Variants in RYR2 observed in about 807,000 individuals in gnomAD.
The protein encoded by RYR2 is cardiac muscle ryanodine receptor-calcium release channel.
Under a neutral mutation model 601.1 loss-of-function variants are expected in RYR2, and 227 were observed. The observed-to-expected ratio is 0.38, with a 90% CI of 0.34 to 0.42. RYR2 has a LOEUF of 0.42. RYR2 is among the 10% of genes least tolerant of loss of function. The pLI is 1.00. For synonymous variants in RYR2, 2,223 were observed against 2,175.1 expected (o/e 1.02, Z -0.61); for missense variants, 4,646 against 6,156.5 (o/e 0.75, Z 8.21).
chr1:237,082,677 T>C (rs753593538), intron 1 of RYR2, among the ~76,000 whole-genome samples: 31 of 151,544 alleles, frequency 2.0e-4, no homozygotes, highest in Non-Finnish European at 3.8e-4. Context: ...AGCAGATGTG[T>C]GTGGGCTGAG....
chr1:237,653,577 G>C (rs959520497), intron 51 of RYR2, among the ~76,000 whole-genome samples: 1 of 152,150 alleles, frequency 6.6e-6, no homozygotes, highest in East Asian at 1.9e-4. Context: ...TCTTAGCCGG[G>C]GTTCTCTAGA....
intron 1 of RYR2, among the ~76,000 whole-genome samples, chr1:237,243,575 T>C (rs1572335877): frequency 1.3e-5 from 2 of 152,172 alleles, no homozygotes; most frequent in East Asian, 3.9e-4. Context: ...ACCAGGACTC[T>C]TGGGTTTTTA....
At chr1:237,050,457 C>CA in intron 1 of RYR2, among the ~76,000 whole-genome samples, 1 of 152,184 alleles carries the variant, frequency 6.6e-6, no homozygotes, top group Admixed American at 6.5e-5. Flanking sequence ...CACAGGCCCA[C>CA]ACATCTCATC....
At chr1:237,118,958 G>A (rs1670453922) in intron 1 of RYR2, among the ~76,000 whole-genome samples, 1 of 151,838 alleles carries the variant, frequency 6.6e-6, no homozygotes, top group Non-Finnish European at 1.5e-5. Context: ...ATGAATTTTA[G>A]AATGAAACCA....
At chr1:237,172,673 A>T (rs965632888) in intron 1 of RYR2, among the ~76,000 whole-genome samples, 1 of 152,116 alleles carries the variant, frequency 6.6e-6, no homozygotes, top group African/African-American at 2.4e-5. Flanking sequence ...TTCTGGCAAA[A>T]CCGGAGTTTT....
Position 237,726,292 on chromosome 1 carries a change from G to A in RYR2, c.10709G>A (p.Arg3570Gln), listed in dbSNP as rs751520590. The A allele has an allele frequency of 1.8e-5, 28 of 1,589,056 alleles. No homozygotes were observed. In the South Asian group the frequency reaches 1.8e-4, roughly 10 times the overall value. ...HLEQKSKRVGRRHYCLVEHPQ... is the reference protein window; with the variant it reads ...HLEQKSKRVGQRHYCLVEHPQ... Reference sequence around the variant, plus strand: ...TTTCAGAAGTCTAAACGTGTGGGTCGGAGACATTACTGTCTGGGAAGTACA... The same window carrying A: ...TTTCAGAAGTCTAAACGTGTGGGTCAGAGACATTACTGTCTGGGAAGTACA... The change falls in exon 75 of 105, where the codon CGG becomes CAG. Residue 3570 changes from arginine to glutamine, a missense_variant. Around this residue, in one of 17 missense-constraint regions of RYR2, gnomAD observed 1,497 missense variants for 1,842.6 expected, o/e 0.81. Transcript: ENST00000366574.
intron 1 of RYR2, among the ~76,000 whole-genome samples, chr1:237,248,137 T>A (rs1461663931): frequency 6.6e-6 from 1 of 151,790 alleles, no homozygotes; most frequent in Non-Finnish European, 1.5e-5. Flanking sequence ...CCGGGTGTGG[T>A]GGTGCACTCC....
intron 24 of RYR2, among the ~76,000 whole-genome samples, chr1:237,527,900 T>C (rs1409035330): frequency 6.6e-6 from 1 of 152,202 alleles, no homozygotes; most frequent in Non-Finnish European, 1.5e-5. Context: ...TTGAGCAGTG[T>C]GATGAAATCT....
intron 10 of RYR2, among the ~76,000 whole-genome samples, chr1:237,412,863 A>T (rs1244319925): frequency 6.6e-6 from 1 of 152,126 alleles, no homozygotes; most frequent in Non-Finnish European, 1.5e-5. Context: ...TATTTGTATG[A>T]GTTCAAAGTT....
chr1:237,784,508 A>C lies in RYR2; in HGVS notation c.12796A>C (p.Lys4266Gln). 6.2e-7 allele frequency: 1 copy of C among 1,613,724 alleles called. No homozygotes were observed. Residue 4266 changes from lysine (K) to glutamine (Q), a missense_variant, in exon 90 of 105, where the codon AAG becomes CAG. Transcript: ENST00000366574. The surrounding 1 kb of genome is among the most constrained non-coding windows in gnomAD (Gnocchi z 7.1). Reference protein sequence around the residue: ...MRMLSLKSLKKQMKKVKKMTV... With the variant: ...MRMLSLKSLKQQMKKVKKMTV... ...AATGCTCAGTCTGAAGAGCCTGAAG[A>C]AGCAGATGAAAAAAGTAAAAAAGAT...
At chr1:237,539,828 TA>T (rs1669061105) in intron 25 of RYR2, among the ~76,000 whole-genome samples, 1 of 152,198 alleles carries the variant, frequency 6.6e-6, no homozygotes, top group Non-Finnish European at 1.5e-5. Context: ...CCTGCACATT[TA>T]CCCCAGAACT....
At chr1:237,148,522 A>T (rs1287270719) in intron 1 of RYR2, among the ~76,000 whole-genome samples, 2,638 of 67,956 alleles carry the variant, frequency 0.039, 91 homozygotes, top group African/African-American at 0.13. Flanking sequence ...AAGTAAAAAA[A>T]AAAAAATATA....
At chr1:237,711,712 G>A in intron 70 of RYR2, 33 bp from the exon 71 acceptor site, 1 of 1,165,508 alleles carries the variant, frequency 8.6e-7, no homozygotes, top group Non-Finnish European at 1.3e-6. Context: ...TCTTTAAGTG[G>A]TTTTAACTGA....
Position 237,231,862 on chromosome 1 carries a change from C to A in RYR2, c.49-38635C>A, listed in dbSNP as rs567501523. ...TTCAAAGGAGGCAGCATGGATATCTCTTCTTTGCCATGAATGAAGGTGGTG... is the reference window on the plus strand; with the variant it reads ...TTCAAAGGAGGCAGCATGGATATCTATTCTTTGCCATGAATGAAGGTGGTG... On this transcript the variant is annotated intron_variant, in intron 1 of 104. Coordinates refer to ENST00000366574, the MANE Select transcript of RYR2 (RefSeq NM_001035.3). Among the ~76,000 whole-genome samples the A allele has an allele frequency of 9.9e-4, 151 of 152,268 alleles. 1 individual carries two copies. The highest frequency in any genetic ancestry group is 3.4e-3 in the African/African-American group (141 of 41,566).
intron 82 of RYR2, among the ~76,000 whole-genome samples, chr1:237,758,772 T>C (rs1693167191): frequency 6.6e-6 from 1 of 152,192 alleles, no homozygotes; most frequent in African/African-American, 2.4e-5. Flanking sequence ...TGAGCATGCT[T>C]TCTATCATCT....
At chr1:237,797,944 T>TAAGTA in intron 96 of RYR2, 93 bp from the exon 97 acceptor site, 1 of 1,151,214 alleles carries the variant, frequency 8.7e-7, no homozygotes, top group Non-Finnish European at 1.2e-6. Context: ...AAATATACAG[T>TAAGTA]AAGTATAAAA....
In RYR2 at chr1:237,184,877, GT is replaced by G. The variant is rs397974914; in HGVS notation, c.49-85608del. ...GTTATCTTAGTTCTTTGTGAAGAGG[GT>G]TTTTTTTTTTTGGACAGGGTCTTGC... On this transcript the variant is annotated intron_variant, in intron 1 of 104. Transcript: ENST00000366574. Among the ~76,000 whole-genome samples the G allele has an allele frequency of 2.4e-3, 338 of 142,470 alleles. 1 individual carries two copies. Among genetic ancestry groups the G allele is most frequent in the Non-Finnish European group, 3.7e-3 (238 of 65,038 alleles). The allele number at this position is 142,470 out of a possible 152,430, so 93.5% of individuals were successfully genotyped here.
At chr1:237,595,320 G>A (rs556459693) in intron 33 of RYR2, among the ~76,000 whole-genome samples, 178 bp from the exon 34 acceptor site, 1 of 152,098 alleles carries the variant, frequency 6.6e-6, no homozygotes, top group East Asian at 1.9e-4. Context: ...GATTCAGAAC[G>A]TCCACTGCAG....
intron 1 of RYR2, among the ~76,000 whole-genome samples, chr1:237,128,344 A>G (rs1031309230): frequency 7.2e-5 from 11 of 152,212 alleles, no homozygotes; most frequent in African/African-American, 2.7e-4. Context: ...GCTTCGGCTC[A>G]GCATGAGAGG....
Sources: allele counts gnomAD v4.1 joint callset (sites outside exome capture counted in the v4.1 genomes callset), GRCh38; gene constraint gnomAD v4.1.1; regional missense constraint gnomAD v4.1.1; non-coding constraint Gnocchi (gnomAD v3.1); transcripts MANE v1.5; gene names NCBI Gene and HGNC (gene_info 2026-07-23, HGNC 2026-07-21).